The following WDR49 variants were observed in gnomAD, a reference collection of about 807,000 sequenced individuals.
WDR49 encodes the protein cilia- and flagella-associated protein 337.
In WDR49, 107 loss-of-function variants were observed where a neutral mutation model predicts 119.5. The ratio of observed to expected loss-of-function variants is 0.90; its 90% CI spans 0.77 to 1.05. WDR49 has a LOEUF of 1.05. WDR49 is among the 50% of genes least tolerant of loss of function. The pLI is 0.00. For missense variants in WDR49, 1,240 were observed against 1,220.5 expected, an observed-to-expected ratio of 1.02 and a Z score of -0.24; for synonymous variants, 425 against 418.8, an observed-to-expected ratio of 1.01 and a Z score of -0.18.
chr3:167,591,846 C>T (rs192738283), intron 7 of WDR49, among the ~76,000 whole-genome samples: 1 of 152,096 alleles, frequency 6.6e-6, no homozygotes, highest in Non-Finnish European at 1.5e-5. Context: ...TTTATCCAAT[C>T]ACTCTGCTAT....
At chr3:167,528,105 C>A in intron 14 of WDR49, 88 bp from the exon 15 acceptor site, 2 of 1,138,774 alleles carry the variant, frequency 1.8e-6, no homozygotes, top group Non-Finnish European at 2.5e-6. Flanking sequence ...GGCCGATTTT[C>A]AAACTTGGGA....
intron 12 of WDR49, 102 bp downstream of exon 12, chr3:167,532,777 C>T: frequency 1.4e-6 from 1 of 712,120 alleles, no homozygotes. Context: ...TATAGCCAAT[C>T]ATCTATAATT....
chr3:167,593,664 T>C (rs949684064), intron 7 of WDR49, among the ~76,000 whole-genome samples: 5 of 152,246 alleles, frequency 3.3e-5, no homozygotes, highest in Middle Eastern at 3.4e-3. Context: ...TTGGTGTTAG[T>C]AGCTGTTCTT....
At chr3:167,559,911 T>C (rs1190628376) in intron 9 of WDR49, among the ~76,000 whole-genome samples, 153 bp downstream of exon 9, 1 of 152,230 alleles carries the variant, frequency 6.6e-6, no homozygotes, top group Non-Finnish European at 1.5e-5. Context: ...AGCAGCTTTA[T>C]TAGATGGTTG....
At chr3:167,653,038 A>T (rs1374575554) in intron 2 of WDR49, among the ~76,000 whole-genome samples, 2 of 152,246 alleles carry the variant, frequency 1.3e-5, no homozygotes, top group African/African-American at 4.8e-5. Flanking sequence ...AATGAAATTC[A>T]GTGAAGCAAT....
At position 167,560,145 on chromosome 3, in the gene WDR49, G is replaced by T. The variant is rs770103817; in HGVS notation, c.1593C>A (p.His531Gln). The T allele has an allele frequency of 1.2e-6, 2 of 1,614,004 alleles. No individual in the cohort carries two copies. Among genetic ancestry groups the T allele is most frequent in the Non-Finnish European group, 1.7e-6 (2 of 1,180,028 alleles). Reference protein sequence around the residue: ...GQKIKQFTGCHGNAEISTMAL... With the variant: ...GQKIKQFTGCQGNAEISTMAL... ...CCATAGTGCTGATTTCTGCGTTGCCGTGGCAACCAGTAAACTGTTTGATTT... is the reference window on the plus strand; with the variant it reads ...CCATAGTGCTGATTTCTGCGTTGCCTTGGCAACCAGTAAACTGTTTGATTT... The change falls in exon 9 of 19, where the codon CAC becomes CAA. Residue 531 changes from histidine to glutamine, a missense_variant. Coordinates refer to ENST00000682715, the MANE Select transcript of WDR49 (RefSeq NM_001366157.1).
chr3:167,505,276 TA>T, intron 17 of WDR49, 30 bp downstream of exon 17: 2 of 1,439,320 alleles, frequency 1.4e-6, no homozygotes, highest in Non-Finnish European at 1.8e-6. Context: ...AATAATATTA[TA>T]AAAATACATT....
intron 2 of WDR49, among the ~76,000 whole-genome samples, chr3:167,642,472 T>C (rs997012471): frequency 6.6e-6 from 1 of 151,982 alleles, no homozygotes; most frequent in African/African-American, 2.4e-5. Flanking sequence ...GATACAAATA[T>C]GGAGTGACGG....
Position 167,478,790 on chromosome 3 carries a change from T to C in WDR49, c.*88A>G. ...GAGAAAACTTCCTGAAGTTTAAATA[T>C]AAAATAAAATAAAAGGCAGAATTCT... On this transcript the variant is annotated 3_prime_UTR_variant, in exon 19 of 19. Transcript: ENST00000682715. 1.1e-6 allele frequency: 1 copy of C among 900,838 alleles called. No homozygotes were observed. The highest frequency in any genetic ancestry group is 1.6e-6 in the Non-Finnish European group (1 of 606,420). The allele number at this position is 900,838 out of a possible 1,614,324, so 55.8% of individuals were successfully genotyped here.
At chr3:167,568,921 C>A (rs1283379452) in intron 8 of WDR49, among the ~76,000 whole-genome samples, 1 of 151,816 alleles carries the variant, frequency 6.6e-6, no homozygotes, top group Non-Finnish European at 1.5e-5. Context: ...ATCATTGCAG[C>A]AGTGCAGTAT....
At chr3:167,493,776 T>G (rs1329587879) in intron 18 of WDR49, among the ~76,000 whole-genome samples, 3 of 152,206 alleles carry the variant, frequency 2.0e-5, no homozygotes, top group Non-Finnish European at 4.4e-5. Flanking sequence ...TTCTTTTTCC[T>G]TTCTATGATG....
intron 16 of WDR49, among the ~76,000 whole-genome samples, chr3:167,513,066 A>C (rs1752048503): frequency 6.6e-6 from 1 of 152,228 alleles, no homozygotes. Flanking sequence ...CAACCTAGCA[A>C]GACAGGCCAA....
intron 3 of WDR49, among the ~76,000 whole-genome samples, chr3:167,623,838 C>T (rs1317338351): frequency 6.6e-6 from 1 of 151,956 alleles, no homozygotes; most frequent in Non-Finnish European, 1.5e-5. Context: ...CACTACAGAA[C>T]TAACACATGA....
chr3:167,492,116 T>C (rs1044925989), intron 18 of WDR49, among the ~76,000 whole-genome samples: 5 of 151,456 alleles, frequency 3.3e-5, no homozygotes, highest in Non-Finnish European at 7.4e-5. Context: ...GCAATGATAG[T>C]GTGCAGGAGA....
chr3:167,620,419 A>G lies in WDR49; in HGVS notation c.958+10T>C. 1 of 1,533,008 alleles carries G rather than the reference A, an allele frequency of 6.5e-7. No individual in the cohort carries two copies. Among genetic ancestry groups the G allele is most frequent in the Non-Finnish European group, 8.7e-7 (1 of 1,145,008 alleles). 95.0% of individuals were successfully genotyped at this position (1,533,008 alleles called of 1,614,324 possible). A position where few individuals can be genotyped will look rare whatever the true frequency, so the allele number is the denominator to read the frequency against. On this transcript the variant is annotated intron_variant, in intron 5 of 18. Transcript: ENST00000682715. ...GACCATTTACTTTCATTACTGTTCA[A>G]ATTCAATACCTTGCCTGACCCAATC...
At chr3:167,577,753 A>T (rs1178715598) in intron 7 of WDR49, among the ~76,000 whole-genome samples, 4 of 152,168 alleles carry the variant, frequency 2.6e-5, no homozygotes, top group Non-Finnish European at 4.4e-5. Context: ...AATTATTTCT[A>T]AATTATCTAT....
intron 7 of WDR49, among the ~76,000 whole-genome samples, chr3:167,590,817 G>A (rs1560301177): frequency 6.6e-6 from 1 of 151,624 alleles, no homozygotes; most frequent in East Asian, 1.9e-4. Flanking sequence ...TAGAAAGTTA[G>A]TCTGGCTAAG....
intron 16 of WDR49, among the ~76,000 whole-genome samples, chr3:167,519,739 AC>A (rs1752360370): frequency 6.6e-6 from 1 of 152,280 alleles, no homozygotes; most frequent in African/African-American, 2.4e-5. Flanking sequence ...TCCATGGCAT[AC>A]ATTTACCTAT....
chr3:167,649,731 T>A (rs1328320081), intron 2 of WDR49, among the ~76,000 whole-genome samples: 1 of 152,172 alleles, frequency 6.6e-6, no homozygotes, highest in African/African-American at 2.4e-5. Flanking sequence ...TTTCTTACAC[T>A]AAAACTATTT....
Sources: gnomAD v4.1 joint callset for allele counts (sites outside exome capture counted in the v4.1 genomes callset) on GRCh38, gnomAD v4.1.1 for gene constraint, MANE v1.5 for transcripts, NCBI Gene and HGNC (gene_info 2026-07-23, HGNC 2026-07-21) for gene names.